The following RP1L1 variants were observed in gnomAD, a reference collection of about 807,000 sequenced individuals.
The protein encoded by RP1L1 is RP1 like 1, also known as retinitis pigmentosa 1-like 1 protein.
Under a neutral mutation model 15.7 loss-of-function variants are expected in RP1L1, and 27 were observed. The observed-to-expected ratio is 1.72, with a 90% confidence interval of 1.27 to 2.38. RP1L1 has a LOEUF of 2.38. Ranked by LOEUF, RP1L1 falls within the 30% of genes most tolerant of loss-of-function variation. The pLI is 0.00. For missense variants in RP1L1, 4,798 were observed against 3,075.9 expected (o/e 1.56, Z -13.24); for synonymous variants, 1,813 against 1,276.7 (o/e 1.42, Z -8.96).
At chr8:10,633,287 G>A (rs1017785535) in intron 1 of RP1L1, among the ~76,000 whole-genome samples, 1 of 152,126 alleles carries the variant, frequency 6.6e-6, no homozygotes, top group African/African-American at 2.4e-5. Context: ...TCTACTCTCT[G>A]ATCTCCCACT....
At chr8:10,620,564 C>G (rs996897916) in intron 2 of RP1L1, among the ~76,000 whole-genome samples, 1 of 152,288 alleles carries the variant, frequency 6.6e-6, no homozygotes, top group Middle Eastern at 3.4e-3. Context: ...CGAGATCGCG[C>G]CACTGCACCC....
intron 1 of RP1L1, among the ~76,000 whole-genome samples, chr8:10,652,165 C>T (rs1420727163): frequency 6.6e-6 from 1 of 152,192 alleles, no homozygotes; most frequent in Non-Finnish European, 1.5e-5. Context: ...TCTAACAACA[C>T]ACTTCTCAAA....
chr8:10,633,134 T>C (rs1798277288), intron 1 of RP1L1, among the ~76,000 whole-genome samples: 1 of 152,184 alleles, frequency 6.6e-6, no homozygotes, highest in Non-Finnish European at 1.5e-5. Flanking sequence ...CATCTGTGGC[T>C]GGAGGGATGA....
chr8:10,612,406 AGAG>A lies in RP1L1; in HGVS notation c.1689_1691del (p.Ser564del), dbSNP rs772672185. On this transcript the variant is annotated inframe_deletion, in exon 4 of 4. Transcript: ENST00000382483. ...CGCCTCCCTCGCTGGCCTCCTGCTGAGAGGTCTCGGCCCTTGCCTTGCCTGGAC... is the reference window on the plus strand; with the variant it reads ...CGCCTCCCTCGCTGGCCTCCTGCTGAGTCTCGGCCCTTGCCTTGCCTGGAC... 1.2e-6 allele frequency: 2 copies of A among 1,612,752 alleles called. No individual in the cohort carries two copies. The highest frequency in any genetic ancestry group is 3.3e-5 in the Admixed American group (2 of 60,028).
rs570977843 is a variant in RP1L1, at chr8:10,614,385, C to A, written c.752-1039G>T. ...TGGCTCTAAGAAAGAATGAGCCAGG[C>A]GTGATAGCTCACGCCTGTAATCCCA... is the stretch of plus-strand genomic sequence containing the variant. On this transcript the variant is annotated intron_variant, in intron 3 of 3. Transcript: ENST00000382483. Among the ~76,000 whole-genome samples the A allele has an allele frequency of 3.5e-4, 53 of 152,162 alleles. No individual in the cohort carries two copies. In the South Asian group the frequency reaches 0.011, roughly 32 times the overall value.
chr8:10,637,942 C>A (rs541686308), intron 1 of RP1L1, among the ~76,000 whole-genome samples: 2 of 152,226 alleles, frequency 1.3e-5, no homozygotes, highest in Non-Finnish European at 2.9e-5. Context: ...CAGCCCCACC[C>A]TCCTGCCTGC....
At chr8:10,628,506 C>T (rs753902909) in intron 1 of RP1L1, among the ~76,000 whole-genome samples, 1 of 152,126 alleles carries the variant, frequency 6.6e-6, no homozygotes, top group Non-Finnish European at 1.5e-5. Context: ...ATCCAGGAAG[C>T]CCAGGCTAAG....
At position 10,645,658 on chromosome 8, in the gene RP1L1, T is replaced by A. The variant is rs1162240026; in HGVS notation, c.-20+9240A>T. Among the ~76,000 whole-genome samples the A allele has an allele frequency of 2.6e-5, 4 of 152,084 alleles. No homozygotes were observed. The East Asian group carries it at 7.8e-4, about 29-fold the overall frequency. Reference sequence around the variant, plus strand: ...GCACGTCCTGCCAGGAGCAAAGCCCTCTGGGAAGGGAAGGAGTCGCGAGGC... The same window carrying A: ...GCACGTCCTGCCAGGAGCAAAGCCCACTGGGAAGGGAAGGAGTCGCGAGGC... On this transcript the variant is annotated intron_variant, in intron 1 of 3. Coordinates refer to ENST00000382483, the MANE Select transcript of RP1L1 (RefSeq NM_178857.6).
chr8:10,641,280 GA>G (rs1382156571), intron 1 of RP1L1, among the ~76,000 whole-genome samples: 2 of 152,176 alleles, frequency 1.3e-5, no homozygotes, highest in Non-Finnish European at 2.9e-5. Flanking sequence ...GCTGCAGTCA[GA>G]ATAGGAGAGC....
intron 1 of RP1L1, among the ~76,000 whole-genome samples, chr8:10,628,618 T>C (rs1798194097): frequency 6.6e-6 from 1 of 152,096 alleles, no homozygotes; most frequent in Non-Finnish European, 1.5e-5. Context: ...GCCCCGGTGG[T>C]ATGACTTCAA....
In RP1L1 at chr8:10,611,093, C is replaced by T. The variant is rs748669366; in HGVS notation, c.3005G>A (p.Gly1002Asp). The stretch of plus-strand genomic sequence containing the variant: ...TCCCGCCTGAGCTGGCTCCCCCAGG[C>T]CTTCCAGAGAATGGTCATCCCCAGG... ...VDPGDDHSLE[G>D]LGEPAQAGQQ... Residue 1002 changes from glycine (G) to aspartate (D), a missense_variant, in exon 4 of 4, where the codon GGC (glycine) becomes GAC (aspartate). Transcript: ENST00000382483. 1.9e-6 allele frequency: 3 copies of T among 1,612,912 alleles called. No homozygotes were observed. The South Asian group carries it at 3.3e-5, about 18-fold the overall frequency.
chr8:10,634,651 G>C lies in RP1L1; in HGVS notation c.-19-11431C>G, dbSNP rs1273494016. On this transcript the variant is annotated intron_variant, in intron 1 of 3. Transcript: ENST00000382483. ...TGGCAGAAGAGTGCCAATCACCCAG[G>C]CTCCTGCTGGATTAGGAGCCATCCC... Among the ~76,000 whole-genome samples the C allele has an allele frequency of 3.3e-5, 5 of 152,148 alleles. No homozygotes were observed. In the East Asian group the frequency reaches 9.6e-4, roughly 29 times the overall value.
chr8:10,623,046 G>A lies in RP1L1; in HGVS notation c.156C>T (p.Ala52=), dbSNP rs78501382. ...GDPRFAGVRL[A]VHQRAFKTFS... ...AGGTCTTAAAGGCGCGCTGGTGAAC[G>A]GCCAGGCGGACCCCAGCAAACCGTG... The change falls in exon 2 of 4, where the codon GCC becomes GCT. Residue 52 remains alanine, a synonymous_variant. Transcript: ENST00000382483. 2,689 of 1,614,140 alleles carry A rather than the reference G, an allele frequency of 1.7e-3. 7 individuals are homozygous for A. Among genetic ancestry groups the A allele is most frequent in the South Asian group, 2.3e-3 (207 of 91,084 alleles).
intron 1 of RP1L1, among the ~76,000 whole-genome samples, chr8:10,647,920 T>A (rs1031043253): frequency 3.3e-5 from 5 of 152,256 alleles, no homozygotes; most frequent in African/African-American, 1.2e-4. Context: ...AACTCCATTC[T>A]GCTGTCCACA....
chr8:10,616,674 C>T (rs535967762), intron 2 of RP1L1, 87 bp from the exon 3 acceptor site: 10 of 1,425,422 alleles, frequency 7.0e-6, no homozygotes, highest in Middle Eastern at 4.9e-4. Flanking sequence ...TCCAGTCTCA[C>T]CAGCCCTGTC....
intron 2 of RP1L1, among the ~76,000 whole-genome samples, chr8:10,620,063 A>T (rs751669177): frequency 3.9e-5 from 6 of 151,900 alleles, no homozygotes; most frequent in Non-Finnish European, 8.8e-5. Flanking sequence ...ACTGAAACAT[A>T]GTGCTGTTTC....
intron 1 of RP1L1, among the ~76,000 whole-genome samples, chr8:10,644,266 C>A (rs1449231837): frequency 6.7e-6 from 1 of 149,036 alleles, no homozygotes; most frequent in Non-Finnish European, 1.5e-5. Flanking sequence ...TGTCACATCA[C>A]ACCTCCAGAC....
chr8:10,616,591 A>C lies in RP1L1; in HGVS notation c.610-4T>G. 1 of 1,610,172 alleles carries C rather than the reference A, an allele frequency of 6.2e-7. No homozygotes were observed. Among genetic ancestry groups the C allele is most frequent in the Non-Finnish European group, 8.5e-7 (1 of 1,179,258 alleles). ...GCAGGGCCTGCAGCGAGTCCACCTG[A>C]GGGAGGAGCGGGCGGGGTCAGGAGG... On this transcript the variant is annotated splice_region_variant and splice_polypyrimidine_tract_variant and intron_variant, in intron 2 of 3. Coordinates refer to ENST00000382483, the MANE Select transcript of RP1L1 (RefSeq NM_178857.6).
At chr8:10,632,995 G>A (rs1446431718) in intron 1 of RP1L1, among the ~76,000 whole-genome samples, 3 of 152,232 alleles carry the variant, frequency 2.0e-5, no homozygotes, top group Non-Finnish European at 2.9e-5. Context: ...AGGAGCACCA[G>A]TGCCTTGGGG....
Sources: allele counts gnomAD v4.1 joint callset (sites outside exome capture counted in the v4.1 genomes callset), GRCh38; gene constraint gnomAD v4.1.1; transcripts MANE v1.5; gene names NCBI Gene and HGNC (gene_info 2026-07-23, HGNC 2026-07-21).